Variants in ARHGEF4 observed in about 807,000 individuals in gnomAD.
ARHGEF4 encodes Rho guanine nucleotide exchange factor 4.
Under a neutral mutation model 162.0 loss-of-function variants are expected in ARHGEF4, and 119 were observed. That is an observed-to-expected ratio of 0.73 (90% CI 0.63 to 0.86). ARHGEF4 has a LOEUF of 0.86. ARHGEF4 is among the 40% of genes least tolerant of loss of function. The probability of loss-of-function intolerance (pLI) is 0.00; values close to 1 mark genes in which losing one functional copy is unlikely to be tolerated. For synonymous variants in ARHGEF4, 1,014 were observed against 979.9 expected (o/e 1.03, Z -0.65); for missense variants, 2,488 against 2,456.0 (o/e 1.01, Z -0.28).
chr2:131,037,899 A>C (rs963944541), intron 5 of ARHGEF4, among the ~76,000 whole-genome samples: 1 of 152,234 alleles, frequency 6.6e-6, no homozygotes, highest in African/African-American at 2.4e-5. Flanking sequence ...CAGAGGTAGC[A>C]GCTGCAAAAC....
At chr2:131,022,646 C>A (rs1465116476) in intron 4 of ARHGEF4, among the ~76,000 whole-genome samples, 1 of 84,440 alleles carries the variant, frequency 1.2e-5, no homozygotes, top group African/African-American at 4.4e-5. Flanking sequence ...ACTTAAGCTT[C>A]ACACATTATA....
At chr2:130,992,543 G>C (rs1304320684) in intron 4 of ARHGEF4, among the ~76,000 whole-genome samples, 1 of 151,758 alleles carries the variant, frequency 6.6e-6, no homozygotes, top group African/African-American at 2.4e-5. Context: ...ACCACGAACC[G>C]GGCGGGAACA....
intron 4 of ARHGEF4, among the ~76,000 whole-genome samples, chr2:130,990,237 T>C (rs1573541903): frequency 6.6e-6 from 1 of 152,200 alleles, no homozygotes; most frequent in African/African-American, 2.4e-5. Context: ...TAAATCTCTG[T>C]AGCTGAGGGG....
At chr2:130,935,864 C>G (rs907757470) in intron 3 of ARHGEF4, among the ~76,000 whole-genome samples, 1 of 152,122 alleles carries the variant, frequency 6.6e-6, no homozygotes, top group Non-Finnish European at 1.5e-5. Context: ...GTCAGGAGTT[C>G]GAGACCAGCC....
intron 1 of ARHGEF4, among the ~76,000 whole-genome samples, chr2:130,882,798 G>A (rs1679281204): frequency 6.6e-6 from 1 of 151,906 alleles, no homozygotes; most frequent in Non-Finnish European, 1.5e-5. Flanking sequence ...CAGGCAGGAG[G>A]GCCAGGGTGG....
chr2:130,969,465 G>A (rs959008441), intron 4 of ARHGEF4, among the ~76,000 whole-genome samples: 4 of 152,036 alleles, frequency 2.6e-5, no homozygotes, highest in Non-Finnish European at 5.9e-5. Flanking sequence ...CGGGCATGGT[G>A]GTGGGTGCCT....
rs886912223 is a variant in ARHGEF4 at position 131,046,416 on chromosome 2, C to A, written c.*227C>A. 3.6e-6 allele frequency: 2 copies of A among 551,226 alleles called. No individual in the cohort carries two copies. The highest frequency in any genetic ancestry group is 6.4e-6 in the Non-Finnish European group (2 of 311,264). 34.1% of individuals were successfully genotyped at this position (551,226 alleles called of 1,614,324 possible). On this transcript the variant is annotated 3_prime_UTR_variant, in exon 14 of 14. Coordinates refer to ENST00000409359, the MANE Select transcript of ARHGEF4 (RefSeq NM_001367493.1). ...AAGGGGGCAGACCCCGCACTCGCCACACCGCCGCTGCAGCTTGGGCCCCAT... is the reference window on the plus strand; with the variant it reads ...AAGGGGGCAGACCCCGCACTCGCCAAACCGCCGCTGCAGCTTGGGCCCCAT...
At chr2:130,959,137 T>C (rs1469313529) in intron 4 of ARHGEF4, among the ~76,000 whole-genome samples, 3 of 151,984 alleles carry the variant, frequency 2.0e-5, no homozygotes, top group African/African-American at 7.3e-5. Context: ...AGATGGGGTT[T>C]CTCCATGTTG....
intron 4 of ARHGEF4, among the ~76,000 whole-genome samples, chr2:131,012,166 G>A (rs575193003): frequency 6.6e-6 from 1 of 152,276 alleles, no homozygotes; most frequent in Admixed American, 6.5e-5. Flanking sequence ...GGTAGGGGCA[G>A]CAAGGGGGTC....
intron 4 of ARHGEF4, among the ~76,000 whole-genome samples, chr2:131,021,488 A>T (rs1414001718): frequency 1.3e-5 from 2 of 152,180 alleles, no homozygotes; most frequent in Non-Finnish European, 2.9e-5. Flanking sequence ...TTCAAGATGG[A>T]TTAAAGACTT....
rs1358075040 is a variant in ARHGEF4 at position 130,946,556 on chromosome 2, TAGA to T, written c.3912_3914del (p.Arg1304del). 6.2e-7 allele frequency: 1 copy of T among 1,614,040 alleles called. No individual in the cohort carries two copies. Among genetic ancestry groups the T allele is most frequent in the East Asian group, 2.2e-5 (1 of 44,874 alleles). On this transcript the variant is annotated inframe_deletion, in exon 4 of 14. Coordinates refer to ENST00000409359, the MANE Select transcript of ARHGEF4 (RefSeq NM_001367493.1). ...CCTCTCCAGAGTCTTTGAATCTCCC[TAGA>T]AGAAGCCATCCACTCTCCCAGAGTG...
chr2:130,978,102 C>A (rs536842440), intron 4 of ARHGEF4, among the ~76,000 whole-genome samples: 1 of 152,174 alleles, frequency 6.6e-6, no homozygotes, highest in Non-Finnish European at 1.5e-5. Flanking sequence ...CAAACAAATA[C>A]AAGTTTCAAG....
chr2:130,926,048 C>CTCTTTCTT (rs370694048), intron 2 of ARHGEF4, among the ~76,000 whole-genome samples: 1,502 of 53,400 alleles, frequency 0.028, 77 homozygotes, highest in African/African-American at 0.081. Flanking sequence ...TTCTTTCTTT[C>CTCTTTCTT]TCTTTCTTTC....
At chr2:131,046,017 C>T (rs746022552) in intron 13 of ARHGEF4, 21 bp from the exon 14 acceptor site, 2 of 1,601,870 alleles carry the variant, frequency 1.2e-6, no homozygotes, top group African/African-American at 2.7e-5. Context: ...CCATGACCCT[C>T]TGCTGTCTCT....
At chr2:130,928,483 A>C (rs907645673) in intron 2 of ARHGEF4, among the ~76,000 whole-genome samples, 1 of 152,228 alleles carries the variant, frequency 6.6e-6, no homozygotes, top group Non-Finnish European at 1.5e-5. Context: ...CAGGACCACA[A>C]GTCTCTCGTG....
Position 130,916,410 on chromosome 2 carries a change from C to A in ARHGEF4, c.2464C>A (p.Arg822Ser). The A allele has an allele frequency of 6.5e-7, 1 of 1,528,870 alleles. No individual in the cohort carries two copies. The highest frequency in any genetic ancestry group is 8.8e-7 in the Non-Finnish European group (1 of 1,141,346). The allele number at this position is 1,528,870 out of a possible 1,614,324, so 94.7% of individuals were successfully genotyped here. Residue 822 changes from arginine (R) to serine (S), a missense_variant, in exon 2 of 14, where the codon CGC becomes AGC. Transcript: ENST00000409359. ...GGVPAPTTEG[R>S]RWGSSGPEGL... ...GGTCCCGGCCCCGACCACCGAGGGT[C>A]GCCGCTGGGGCTCTTCAGGCCCCGA...
chr2:130,931,464 C>T (rs952092676), intron 3 of ARHGEF4, among the ~76,000 whole-genome samples: 4 of 152,176 alleles, frequency 2.6e-5, no homozygotes, highest in Admixed American at 2.0e-4. Flanking sequence ...AGTGCATTCC[C>T]CAGAGCCACA....
At chr2:130,917,547 G>C (rs1243396354) in intron 2 of ARHGEF4, 49 bp downstream of exon 2, 20 of 1,493,690 alleles carry the variant, frequency 1.3e-5, no homozygotes, top group Non-Finnish European at 1.7e-5. Context: ...GCAGGCAAGA[G>C]AAGGAGGGGA....
chr2:130,959,339 G>A (rs895585622), intron 4 of ARHGEF4, among the ~76,000 whole-genome samples: 4 of 152,190 alleles, frequency 2.6e-5, no homozygotes, highest in Admixed American at 1.3e-4. Context: ...GGACATTGAT[G>A]GTATTCCAAC....
Sources: gnomAD v4.1 joint callset for allele counts (sites outside exome capture counted in the v4.1 genomes callset) on GRCh38, gnomAD v4.1.1 for gene constraint, MANE v1.5 for transcripts, NCBI Gene and HGNC (gene_info 2026-07-23, HGNC 2026-07-21) for gene names.